Variants in TPMT observed in about 807,000 individuals in gnomAD.
TPMT encodes the protein S-adenosyl-L-methionine:thiopurine S-methyltransferase.
A neutral mutation model predicts 34.2 loss-of-function variants in TPMT; 18 were observed. That is an observed-to-expected ratio of 0.53 (90% confidence interval 0.36 to 0.78). The LOEUF is 0.78. Among genes scored for constraint, TPMT ranks in the 30% least tolerant of loss-of-function variants. The pLI is 0.00. For missense variants in TPMT, 265 were observed against 288.1 expected, an observed-to-expected ratio of 0.92 and a Z score of 0.58; for synonymous variants, 69 against 92.4, an observed-to-expected ratio of 0.75 and a Z score of 1.45.
Position 18,154,520 on chromosome 6 carries a change from G to T in TPMT, c.-45+513C>A, listed in dbSNP as rs1239073288. On this transcript the variant is annotated intron_variant, in intron 1 of 8. Coordinates refer to ENST00000309983, the MANE Select transcript of TPMT (RefSeq NM_000367.5). The surrounding 1 kb of genome is among the most constrained non-coding windows in gnomAD (Gnocchi z 4.2). The stretch of plus-strand genomic sequence containing the variant: ...CACCCCAGTTTCCCACATCACCAGG[G>T]ATCACTCACTATTTGGCAGTACTTA... Among the ~76,000 whole-genome samples, 1 of 151,856 alleles carries T rather than the reference G, an allele frequency of 6.6e-6. No individual in the cohort carries two copies. The highest frequency in any genetic ancestry group is 1.5e-5 in the Non-Finnish European group (1 of 67,974).
rs1784181244 is a variant in TPMT, at chr6:18,143,260, G to A, written c.366+336C>T. Among the ~76,000 whole-genome samples, 2 of 152,094 alleles carry A rather than the reference G, an allele frequency of 1.3e-5. No homozygotes were observed. Among genetic ancestry groups the A allele is most frequent in the Admixed American group, 1.3e-4 (2 of 15,256 alleles). On this transcript the variant is annotated intron_variant, in intron 4 of 8. Coordinates refer to ENST00000309983, the MANE Select transcript of TPMT (RefSeq NM_000367.5). The surrounding 1 kb of genome is among the most constrained non-coding windows in gnomAD (Gnocchi z 6.1). ...ATTCTTTAGGGGTGGGAGTGAGGGG[G>A]GTGTGCTGTGTTATCTTTATCTCTT... is the stretch of plus-strand genomic sequence containing the variant.
In TPMT at chr6:18,128,363, G is replaced by T. The variant is rs1783864591; in HGVS notation, c.*2305C>A. 1 of 152,200 alleles carries T rather than the reference G, an allele frequency of 6.6e-6. No homozygotes were observed. The highest frequency in any genetic ancestry group is 2.1e-4 in the South Asian group (1 of 4,836). The allele number at this position is 152,200 out of a possible 1,614,324, so 9.4% of individuals were successfully genotyped here. The stretch of plus-strand genomic sequence containing the variant: ...ATTGCTCTAAAATAATTTACATGTG[G>T]TATATCTTCCATCTTGAGATTTTAG... On this transcript the variant is annotated 3_prime_UTR_variant, in exon 9 of 9. Transcript: ENST00000309983. This position sits in a 1 kb window ranked among gnomAD's most constrained non-coding sequence, Gnocchi z 4.6.
At chr6:18,137,512 A>G (rs1193287854) in intron 6 of TPMT, among the ~76,000 whole-genome samples, 1 of 152,232 alleles carries the variant, frequency 6.6e-6, no homozygotes, top group Non-Finnish European at 1.5e-5. Context: ...AAGTAAGCAC[A>G]TAAATGACAT....
In TPMT at chr6:18,130,758, ACAACGTATATTG is replaced by A; in HGVS notation, c.636_647del (p.Asn213_Cys216del). 1 of 1,613,608 alleles carries A rather than the reference ACAACGTATATTG, an allele frequency of 6.2e-7. No individual in the cohort carries two copies. Among genetic ancestry groups the A allele is most frequent in the South Asian group, 1.1e-5 (1 of 91,062 alleles). On this transcript the variant is annotated inframe_deletion, in exon 9 of 9. Coordinates refer to ENST00000309983, the MANE Select transcript of TPMT (RefSeq NM_000367.5). The surrounding 1 kb of genome is among the most constrained non-coding windows in gnomAD (Gnocchi z 4.2). The stretch of plus-strand genomic sequence containing the variant: ...CTTCAAAAGCATCAACCTTCTCAAG[ACAACGTATATTG>A]CATATTTTACCTGAAACAAGAAAGA...
intron 4 of TPMT, among the ~76,000 whole-genome samples, chr6:18,141,284 G>A (rs115200362): frequency 0.015 from 2,331 of 152,102 alleles, 54 homozygotes; most frequent in African/African-American, 0.053. Context: ...GAATGAGGTG[G>A]GAGGAAGATG....
upstream of TPMT, chr6:18,155,158 C>CCGCCTCTTTCCA (rs1441145259): frequency 1.8e-4 from 24 of 130,252 alleles, no homozygotes; most frequent in African/African-American, 7.7e-4. The surrounding 1 kb of genome is among the most constrained non-coding windows in gnomAD (Gnocchi z 6.2). Context: ...CGCCTCCGCC[C>CCGCCTCTTTCCA]GCGCCCCGCC....
chr6:18,148,328 C>G lies in TPMT; in HGVS notation c.141-413G>C, dbSNP rs1242725702. Among the ~76,000 whole-genome samples, 1 of 152,096 alleles carries G rather than the reference C, an allele frequency of 6.6e-6. No individual in the cohort carries two copies. The highest frequency in any genetic ancestry group is 6.6e-5 in the Admixed American group (1 of 15,254). On this transcript the variant is annotated intron_variant, in intron 2 of 8. Coordinates refer to ENST00000309983, the MANE Select transcript of TPMT (RefSeq NM_000367.5). The surrounding 1 kb of genome is among the most constrained non-coding windows in gnomAD (Gnocchi z 4.1). ...AACTCCTGTAGTTTCTTGTAATTCCCTCTGTGGAGATGTGGCTCTTCTAAG... is the reference window on the plus strand; with the variant it reads ...AACTCCTGTAGTTTCTTGTAATTCCGTCTGTGGAGATGTGGCTCTTCTAAG...
At chr6:18,147,105 TCATA>T (rs1784261461) in intron 3 of TPMT, among the ~76,000 whole-genome samples, 1 of 151,336 alleles carries the variant, frequency 6.6e-6, no homozygotes, top group Non-Finnish European at 1.5e-5. Context: ...ACTAACCTTT[TCATA>T]CATTCTTTTT....
chr6:18,143,445 G>GC lies in TPMT; in HGVS notation c.366+150dup. ...AGGTAGCTATCACCTATATTTTTAA[G>GC]CCCTTGCTTCTTATACTATATAGTA... is the stretch of plus-strand genomic sequence containing the variant. On this transcript the variant is annotated intron_variant, in intron 4 of 8. Transcript: ENST00000309983. The surrounding 1 kb of genome is among the most constrained non-coding windows in gnomAD (Gnocchi z 6.1). 1.0e-6 allele frequency: 1 copy of GC among 999,522 alleles called. No homozygotes were observed. The highest frequency in any genetic ancestry group is 1.5e-6 in the Non-Finnish European group (1 of 672,270). The allele number at this position is 999,522 out of a possible 1,614,324, so 61.9% of individuals were successfully genotyped here. A position where few individuals can be genotyped will look rare whatever the true frequency, so the allele number is the denominator to read the frequency against.
intron 6 of TPMT, among the ~76,000 whole-genome samples, chr6:18,134,490 T>C (rs933800608): frequency 2.6e-5 from 4 of 152,226 alleles, no homozygotes; most frequent in Non-Finnish European, 5.9e-5. Flanking sequence ...ATTAAAGCTC[T>C]GCAAGTGTGG....
rs192913676 is a variant in TPMT, at chr6:18,150,146, T to G, written c.-44-975A>C. ...AGTTGGGGTTCCCACACCCTCCACT[T>G]TGGGTTTGCTTAATTTGCTAGAGCA... is the stretch of plus-strand genomic sequence containing the variant. On this transcript the variant is annotated intron_variant, in intron 1 of 8. Coordinates refer to ENST00000309983, the MANE Select transcript of TPMT (RefSeq NM_000367.5). The surrounding 1 kb of genome is among the most constrained non-coding windows in gnomAD (Gnocchi z 5.3). 1.3e-5 allele frequency among the ~76,000 whole-genome samples: 2 copies of G among 152,342 alleles called. No individual in the cohort carries two copies.
At chr6:18,133,718 GA>G (rs980496454) in intron 7 of TPMT, 85 bp downstream of exon 7, 8 of 1,036,652 alleles carry the variant, frequency 7.7e-6, no homozygotes, top group Non-Finnish European at 1.2e-5. Flanking sequence ...TAAATTAGGA[GA>G]AAATAATTCT....
At position 18,150,612 on chromosome 6, in the gene TPMT, G is replaced by C. The variant is rs545536019; in HGVS notation, c.-44-1441C>G. Among the ~76,000 whole-genome samples, 1 of 152,046 alleles carries C rather than the reference G, an allele frequency of 6.6e-6. No homozygotes were observed. Among genetic ancestry groups the C allele is most frequent in the Non-Finnish European group, 1.5e-5 (1 of 67,992 alleles). ...CTCTTTTTTTTGTTGTTATTTTTTA[G>C]TGACCACGCTTATATTGGTGAAGCC... is the stretch of plus-strand genomic sequence containing the variant. On this transcript the variant is annotated intron_variant, in intron 1 of 8. Coordinates refer to ENST00000309983, the MANE Select transcript of TPMT (RefSeq NM_000367.5). This position sits in a 1 kb window ranked among gnomAD's most constrained non-coding sequence, Gnocchi z 5.3.
rs9477638 is a variant in TPMT, at chr6:18,150,821, C to T, written c.-44-1650G>A. On this transcript the variant is annotated intron_variant, in intron 1 of 8. Transcript: ENST00000309983. This position sits in a 1 kb window ranked among gnomAD's most constrained non-coding sequence, Gnocchi z 5.3. ...ACCCTAAAGGTTTAGTGAAGAATCA[C>T]GCCCACCTCAGCCTCCTGAGTAGCT... Among the ~76,000 whole-genome samples, 2,077 of 152,258 alleles carry T rather than the reference C, an allele frequency of 0.014. 50 individuals carry two copies. The highest frequency in any genetic ancestry group is 0.047 in the African/African-American group (1,947 of 41,550).
chr6:18,133,992 T>C (rs1783995716), intron 6 of TPMT, 103 bp from the exon 7 acceptor site: 3 of 846,588 alleles, frequency 3.5e-6, no homozygotes, highest in East Asian at 2.6e-5. Flanking sequence ...TCGCTGATAC[T>C]ACTGAGTTTA....
chr6:18,143,491 T>TA lies in TPMT; in HGVS notation c.366+104dup. The TA allele has an allele frequency of 6.8e-7, 1 of 1,477,504 alleles. No individual in the cohort carries two copies. The highest frequency in any genetic ancestry group is 1.1e-5 in the South Asian group (1 of 87,034). 91.5% of individuals were successfully genotyped at this position (1,477,504 alleles called of 1,614,324 possible). A position where few individuals can be genotyped will look rare whatever the true frequency, so the allele number is the denominator to read the frequency against. On this transcript the variant is annotated intron_variant, in intron 4 of 8. Coordinates refer to ENST00000309983, the MANE Select transcript of TPMT (RefSeq NM_000367.5). This position sits in a 1 kb window ranked among gnomAD's most constrained non-coding sequence, Gnocchi z 6.1. ...TAGTATCTACAGTGAATCTGCGTGC[T>TA]AAATAGGAACCATCGGACACATGAA...
rs1349499880 is a variant in TPMT at position 18,154,292 on chromosome 6, G to A, written c.-45+741C>T. On this transcript the variant is annotated intron_variant, in intron 1 of 8. Coordinates refer to ENST00000309983, the MANE Select transcript of TPMT (RefSeq NM_000367.5). The surrounding 1 kb of genome is among the most constrained non-coding windows in gnomAD (Gnocchi z 4.2). ...GAAGGGAAATTTCACAAAAATTTCT[G>A]CCCACAAACAAAGTCCTCAAGTTGT... Among the ~76,000 whole-genome samples the A allele has an allele frequency of 2.0e-5, 3 of 151,316 alleles. No homozygotes were observed. Among genetic ancestry groups the A allele is most frequent in the African/African-American group, 7.3e-5 (3 of 40,920 alleles).
Position 18,133,907 on chromosome 6 carries a change from A to G in TPMT, c.495-18T>C. 6.2e-7 allele frequency: 1 copy of G among 1,602,132 alleles called. No individual in the cohort carries two copies. On this transcript the variant is annotated intron_variant, in intron 6 of 8. Coordinates refer to ENST00000309983, the MANE Select transcript of TPMT (RefSeq NM_000367.5). ...CTGCATAGCTACAAAGAACACAAGA[A>G]GGTATTTGTTACATTTCTCTACACA...
In TPMT at chr6:18,143,064, T is replaced by C. The variant is rs563801189; in HGVS notation, c.366+532A>G. ...TATCTTCCCGAGGTGTCCAAGACCA[T>C]GGACCCAGGCCCTGCCTGATTCCAG... On this transcript the variant is annotated intron_variant, in intron 4 of 8. Coordinates refer to ENST00000309983, the MANE Select transcript of TPMT (RefSeq NM_000367.5). This position sits in a 1 kb window ranked among gnomAD's most constrained non-coding sequence, Gnocchi z 6.1. 4.6e-5 allele frequency among the ~76,000 whole-genome samples: 7 copies of C among 152,266 alleles called. No homozygotes were observed. The highest frequency in any genetic ancestry group is 2.6e-4 in the Admixed American group (4 of 15,298).
Sources: gnomAD v4.1 joint callset for allele counts (sites outside exome capture counted in the v4.1 genomes callset) on GRCh38, gnomAD v4.1.1 for gene constraint, Gnocchi (gnomAD v3.1) non-coding constraint, MANE v1.5 for transcripts, NCBI Gene and HGNC (gene_info 2026-07-23, HGNC 2026-07-21) for gene names.